The following DACH2 variants were observed in gnomAD, a reference collection of about 807,000 sequenced individuals.
The protein encoded by DACH2 is dachshund homolog 2.
In DACH2, 17 loss-of-function variants were observed where a neutral mutation model predicts 35.8. The ratio of observed to expected loss-of-function variants is 0.48; its 90% confidence interval spans 0.33 to 0.71. DACH2 has a LOEUF of 0.71. Ranked by LOEUF, DACH2 falls within the 30% of genes least tolerant of loss-of-function variation. The pLI is 0.02. For synonymous variants in DACH2, 195 were observed against 177.3 expected, an observed-to-expected ratio of 1.10 and a Z score of -0.79; for missense variants, 469 against 472.7, an observed-to-expected ratio of 0.99 and a Z score of 0.07.
chrX:86,400,028 T>C (rs1298041549), intron 2 of DACH2, among the ~76,000 whole-genome samples: 2 of 111,947 alleles, frequency 1.8e-5, no homozygotes, highest in Non-Finnish European at 3.8e-5. Flanking sequence ...CAATCAGATG[T>C]AGATTTGGTC....
At chrX:86,250,193 T>C (rs2033371245) in intron 1 of DACH2, among the ~76,000 whole-genome samples, 1 of 111,493 alleles carries the variant, frequency 9.0e-6, no homozygotes, top group Non-Finnish European at 1.9e-5. Context: ...ATGTACTTCG[T>C]GAACCTAAAA....
intron 3 of DACH2, among the ~76,000 whole-genome samples, chrX:86,579,961 G>A (rs1337716138): frequency 9.0e-6 from 1 of 111,626 alleles, no homozygotes; most frequent in Non-Finnish European, 1.9e-5. Context: ...AAGTGCTTTG[G>A]CATGCACCAC....
At chrX:86,709,119 G>A (rs2041251107) in intron 5 of DACH2, among the ~76,000 whole-genome samples, 1 of 111,528 alleles carries the variant, frequency 9.0e-6, no homozygotes, top group South Asian at 3.7e-4. Flanking sequence ...AAGAAAAAAT[G>A]TAGTGGACTG....
intron 1 of DACH2, among the ~76,000 whole-genome samples, chrX:86,153,967 T>C (rs757107712): frequency 1.4e-4 from 16 of 111,656 alleles, no homozygotes; most frequent in Middle Eastern, 4.3e-3. Context: ...CCTCAATGTA[T>C]AGCACATGAA....
intron 1 of DACH2, among the ~76,000 whole-genome samples, chrX:86,322,567 T>A (rs1306378247): frequency 3.6e-5 from 4 of 111,706 alleles, no homozygotes; most frequent in Non-Finnish European, 7.5e-5. Flanking sequence ...ATAGGGCTAG[T>A]CACAATTGCC....
At chrX:86,782,985 G>A (rs1014765700) in intron 7 of DACH2, among the ~76,000 whole-genome samples, 3 of 111,706 alleles carry the variant, frequency 2.7e-5, no homozygotes, top group South Asian at 3.7e-4. Context: ...ACATCCCACA[G>A]AATGGGAGAA....
At chrX:86,656,034 C>A (rs536231849) in intron 4 of DACH2, among the ~76,000 whole-genome samples, 1 of 98,991 alleles carries the variant, frequency 1.0e-5, no homozygotes. Flanking sequence ...AAAGCTCCCC[C>A]CCCCCACTAA....
intron 3 of DACH2, among the ~76,000 whole-genome samples, chrX:86,537,678 C>T (rs946060604): frequency 1.2e-4 from 13 of 111,217 alleles, no homozygotes; most frequent in African/African-American, 4.2e-4. Context: ...TATTTTTTTT[C>T]ACCAGATATT....
intron 1 of DACH2, among the ~76,000 whole-genome samples, chrX:86,347,400 C>T (rs1199574503): frequency 2.1e-5 from 1 of 47,422 alleles, no homozygotes; most frequent in Non-Finnish European, 3.5e-5. Context: ...TGCACACATA[C>T]GCAAAAGCGC....
At chrX:86,291,148 T>C (rs1261142689) in intron 1 of DACH2, among the ~76,000 whole-genome samples, 5 of 107,601 alleles carry the variant, frequency 4.6e-5, no homozygotes, top group Non-Finnish European at 9.6e-5. Flanking sequence ...ACATCCCTTG[T>C]ATGTTGGATT....
chrX:86,596,634 A>G (rs974842846), intron 3 of DACH2, among the ~76,000 whole-genome samples: 1 of 111,367 alleles, frequency 9.0e-6, no homozygotes, highest in Non-Finnish European at 1.9e-5. Context: ...TTTATCAGAT[A>G]CATAGTTTTA....
At chrX:86,269,223 A>C (rs973562753) in intron 1 of DACH2, among the ~76,000 whole-genome samples, 2 of 111,522 alleles carry the variant, frequency 1.8e-5, no homozygotes, top group Non-Finnish European at 3.8e-5. Context: ...CAACTAAGTT[A>C]GAACATGTGA....
intron 3 of DACH2, among the ~76,000 whole-genome samples, chrX:86,608,545 C>A (rs6623735): frequency 0.13 from 14,744 of 111,218 alleles, 967 homozygotes; most frequent in South Asian, 0.36. Flanking sequence ...TAGTTGTGTA[C>A]CTTCAGGTTA....
At chrX:86,177,004 A>G (rs945510895) in intron 1 of DACH2, among the ~76,000 whole-genome samples, 1 of 111,539 alleles carries the variant, frequency 9.0e-6, no homozygotes, top group Non-Finnish European at 1.9e-5. Context: ...TCGTGGCTAC[A>G]TATTAGGTGT....
At chrX:86,486,313 A>C (rs1451285552) in intron 2 of DACH2, among the ~76,000 whole-genome samples, 2 of 110,845 alleles carry the variant, frequency 1.8e-5, no homozygotes, top group African/African-American at 6.6e-5. Flanking sequence ...ATTTTTTGTT[A>C]GTTTTCTTCT....
intron 1 of DACH2, among the ~76,000 whole-genome samples, chrX:86,164,981 T>C (rs2030894269): frequency 9.0e-6 from 1 of 111,046 alleles, no homozygotes; most frequent in Non-Finnish European, 1.9e-5. Context: ...AAGAACGTCA[T>C]TGGTAGTTTG....
chrX:86,389,548 G>A (rs1425668964), intron 2 of DACH2, among the ~76,000 whole-genome samples: 1 of 112,102 alleles, frequency 8.9e-6, no homozygotes, highest in African/African-American at 3.2e-5. Flanking sequence ...TCTGTAAACT[G>A]AACATGTTAG....
chrX:86,269,341 G>T (rs1450484359), intron 1 of DACH2, among the ~76,000 whole-genome samples: 1 of 111,530 alleles, frequency 9.0e-6, no homozygotes, highest in African/African-American at 3.3e-5. Flanking sequence ...TTTTTTTGTG[G>T]CTGGATAGAA....
At chrX:86,234,663 G>A (rs1372054929) in intron 1 of DACH2, among the ~76,000 whole-genome samples, 1 of 108,390 alleles carries the variant, frequency 9.2e-6, no homozygotes, top group East Asian at 2.9e-4. Flanking sequence ...ACCCAGGCTG[G>A]AGTGCAGTGG....
Sources: allele counts gnomAD v4.1 joint callset (sites outside exome capture counted in the v4.1 genomes callset), GRCh38; gene constraint gnomAD v4.1.1; transcripts MANE v1.5; gene names NCBI Gene and HGNC (gene_info 2026-07-23, HGNC 2026-07-21).